BRINP3: variants seen among roughly 807,000 people sequenced by gnomAD.
The protein encoded by BRINP3 is BMP/retinoic acid-inducible neural-specific protein 3.
BRINP3 carries 19 observed loss-of-function variants against 71.0 expected under a neutral mutation model. The ratio of observed to expected loss-of-function variants is 0.27; its 90% CI spans 0.19 to 0.39. The LOEUF is 0.39. Ranked by LOEUF, BRINP3 falls within the 10% of genes least tolerant of loss-of-function variation. The probability of loss-of-function intolerance (pLI) is 1.00; values close to 1 mark genes in which losing one functional copy is unlikely to be tolerated. For missense variants in BRINP3, 959 were observed against 940.8 expected, an observed-to-expected ratio of 1.02 and a Z score of -0.25; for synonymous variants, 380 against 337.7, an observed-to-expected ratio of 1.13 and a Z score of -1.37.
At chr1:190,268,920 A>T (rs1661875651) in intron 3 of BRINP3, among the ~76,000 whole-genome samples, 1 of 152,186 alleles carries the variant, frequency 6.6e-6, no homozygotes, top group Non-Finnish European at 1.5e-5. Flanking sequence ...AATATTCAAC[A>T]TCAAAATATA....
At chr1:190,125,181 T>C (rs530171322) in intron 7 of BRINP3, among the ~76,000 whole-genome samples, 2 of 152,114 alleles carry the variant, frequency 1.3e-5, no homozygotes, top group Non-Finnish European at 2.9e-5. Flanking sequence ...AAGGTCACGC[T>C]GTTCTAAAGC....
chr1:190,248,060 T>A (rs1266017155), intron 4 of BRINP3, among the ~76,000 whole-genome samples: 1 of 151,794 alleles, frequency 6.6e-6, no homozygotes, highest in African/African-American at 2.4e-5. Context: ...TTTGCATGGT[T>A]TCTTTTTTAT....
chr1:190,467,529 C>A (rs1676840860), intron 1 of BRINP3, among the ~76,000 whole-genome samples: 1 of 151,444 alleles, frequency 6.6e-6, no homozygotes, highest in African/African-American at 2.4e-5. Flanking sequence ...TTTAGAAAAC[C>A]TTAGCACAAC....
At chr1:190,286,926 G>A (rs894351077) in intron 2 of BRINP3, among the ~76,000 whole-genome samples, 1 of 151,836 alleles carries the variant, frequency 6.6e-6, no homozygotes, top group Non-Finnish European at 1.5e-5. Context: ...GACTTTAAAA[G>A]CATTTTTACT....
In BRINP3 at chr1:190,320,530, C is replaced by T. The variant is rs564358371; in HGVS notation, c.237-38780G>A. Among the ~76,000 whole-genome samples the T allele has an allele frequency of 4.9e-4, 74 of 151,994 alleles. 1 individual carries two copies. The highest frequency in any genetic ancestry group is 3.8e-4 in the Non-Finnish European group (26 of 67,898). On this transcript the variant is annotated intron_variant, in intron 2 of 7. Transcript: ENST00000367462. ...TGTTTTATAACAATTTGTATTTATT[C>T]ATTCATTCATTCATTTTCTAACTCA... is the stretch of plus-strand genomic sequence containing the variant.
chr1:190,419,497 G>T (rs1001130414), intron 2 of BRINP3, among the ~76,000 whole-genome samples: 2 of 151,778 alleles, frequency 1.3e-5, no homozygotes, highest in South Asian at 4.1e-4. Flanking sequence ...TAAAAATATC[G>T]TATTTTTATT....
At chr1:190,468,863 A>T (rs1027218389) in intron 1 of BRINP3, among the ~76,000 whole-genome samples, 9 of 149,364 alleles carry the variant, frequency 6.0e-5, no homozygotes, top group African/African-American at 1.5e-4. Context: ...TGTCCTTTAA[A>T]TTTTTTTTTT....
Position 190,331,862 on chromosome 1 carries a change from C to T in BRINP3, c.237-50112G>A, listed in dbSNP as rs1475338665. 2.0e-5 allele frequency among the ~76,000 whole-genome samples: 3 copies of T among 151,998 alleles called. No individual in the cohort carries two copies. In the East Asian group the frequency reaches 5.8e-4, roughly 29 times the overall value. ...AATTATGCTTAGCAATGTCACTAGG[C>T]TCTTTCCATTTTATAGACATGTTGA... On this transcript the variant is annotated intron_variant, in intron 2 of 7. Coordinates refer to ENST00000367462, the MANE Select transcript of BRINP3 (RefSeq NM_199051.3).
At chr1:190,429,960 A>G (rs1384221458) in intron 2 of BRINP3, among the ~76,000 whole-genome samples, 1 of 152,116 alleles carries the variant, frequency 6.6e-6, no homozygotes, top group African/African-American at 2.4e-5. Flanking sequence ...ACAGTCTCAA[A>G]CATATACTTA....
chr1:190,301,190 TATATATACACATAC>T (rs1664677609), intron 2 of BRINP3, among the ~76,000 whole-genome samples: 1 of 66,210 alleles, frequency 1.5e-5, no homozygotes, highest in African/African-American at 4.2e-5. Flanking sequence ...TATATATGTA[TATATATACACATAC>T]ATATATATAT....
intron 7 of BRINP3, among the ~76,000 whole-genome samples, chr1:190,122,305 C>T (rs1344373195): frequency 6.6e-6 from 1 of 151,932 alleles, no homozygotes; most frequent in African/African-American, 2.4e-5. Flanking sequence ...TAGTGTCCTC[C>T]CCAAATCCAT....
intron 3 of BRINP3, among the ~76,000 whole-genome samples, chr1:190,278,860 T>C (rs1423833494): frequency 1.3e-5 from 2 of 150,324 alleles, no homozygotes; most frequent in Admixed American, 6.7e-5. Flanking sequence ...ACATGGTGTA[T>C]ACAAAAAAAA....
At chr1:190,209,252 C>T (rs932257551) in intron 6 of BRINP3, among the ~76,000 whole-genome samples, 2 of 152,116 alleles carry the variant, frequency 1.3e-5, no homozygotes, top group African/African-American at 4.8e-5. Context: ...CTGATTTCAA[C>T]CACAACTAAA....
rs1199011479 is a variant in BRINP3 at position 190,412,513 on chromosome 1, AGTG to A, written c.236+42139_236+42141del. Among the ~76,000 whole-genome samples, 245 of 134,192 alleles carry A rather than the reference AGTG, an allele frequency of 1.8e-3. 3 individuals are homozygous for A. Among genetic ancestry groups the A allele is most frequent in the African/African-American group, 6.6e-3 (230 of 34,708 alleles). 88.0% of individuals were successfully genotyped at this position (134,192 alleles called of 152,430 possible). On this transcript the variant is annotated intron_variant, in intron 2 of 7. Coordinates refer to ENST00000367462, the MANE Select transcript of BRINP3 (RefSeq NM_199051.3). ...AGTCTCGCTCTGTCGCCCAGGCTGGAGTGCAGTGGTGGGATCTCGGCTCACTGC... is the reference window on the plus strand; with the variant it reads ...AGTCTCGCTCTGTCGCCCAGGCTGGACAGTGGTGGGATCTCGGCTCACTGC...
chr1:190,316,716 A>G lies in BRINP3; in HGVS notation c.237-34966T>C, dbSNP rs551601642. On this transcript the variant is annotated intron_variant, in intron 2 of 7. Transcript: ENST00000367462. The stretch of plus-strand genomic sequence containing the variant: ...ATCCATTTCAATTCTAAACAAAAAC[A>G]CATCAATAATATTCATGCTGAATCT... Among the ~76,000 whole-genome samples, 39 of 152,252 alleles carry G rather than the reference A, an allele frequency of 2.6e-4. 1 individual carries two copies. The South Asian group carries it at 7.7e-3, about 30-fold the overall frequency.
intron 4 of BRINP3, among the ~76,000 whole-genome samples, chr1:190,261,143 C>A (rs1337525665): frequency 1.3e-5 from 2 of 151,918 alleles, no homozygotes; most frequent in East Asian, 1.9e-4. Flanking sequence ...GATTAAATAT[C>A]TTTTCAAAAT....
At chr1:190,115,163 T>C (rs1317190640) in intron 7 of BRINP3, among the ~76,000 whole-genome samples, 1 of 152,170 alleles carries the variant, frequency 6.6e-6, no homozygotes, top group Non-Finnish European at 1.5e-5. Context: ...AAAGAATGGA[T>C]GAATAAATTT....
At chr1:190,448,519 A>C (rs1352514232) in intron 2 of BRINP3, among the ~76,000 whole-genome samples, 1 of 151,140 alleles carries the variant, frequency 6.6e-6, no homozygotes, top group Non-Finnish European at 1.5e-5. Flanking sequence ...AAAAATCAAA[A>C]TAGCAGATTA....
intron 6 of BRINP3, among the ~76,000 whole-genome samples, chr1:190,201,222 C>T (rs1010292838): frequency 1.3e-5 from 2 of 152,112 alleles, no homozygotes; most frequent in African/African-American, 2.4e-5. Context: ...GGAGCAAAGG[C>T]AGGTTTTGTT....
Sources: gnomAD v4.1 joint callset for allele counts (sites outside exome capture counted in the v4.1 genomes callset) on GRCh38, gnomAD v4.1.1 for gene constraint, MANE v1.5 for transcripts, NCBI Gene and HGNC (gene_info 2026-07-23, HGNC 2026-07-21) for gene names.